GABBR2: variants seen among roughly 807,000 people sequenced by gnomAD.
The protein encoded by GABBR2 is gamma-aminobutyric acid type B receptor subunit 2, also known as G-protein coupled receptor 51.
In GABBR2, 23 loss-of-function variants were observed where a neutral mutation model predicts 105.6. That is an observed-to-expected ratio of 0.22 (90% CI 0.16 to 0.31). The LOEUF (loss-of-function observed/expected upper bound fraction) is 0.31. Ranked by LOEUF, GABBR2 falls within the 10% of genes least tolerant of loss-of-function variation. The pLI is 1.00. For missense variants in GABBR2, 734 were observed against 1,245.5 expected (o/e 0.59, Z 6.18); for synonymous variants, 478 against 499.7 (o/e 0.96, Z 0.58).
chr9:98,460,122 G>T (rs1470489637), intron 6 of GABBR2, among the ~76,000 whole-genome samples: 3 of 152,220 alleles, frequency 2.0e-5, no homozygotes, highest in African/African-American at 7.2e-5. Flanking sequence ...AAATAGCAAG[G>T]TTGGCGGGAA....
intron 7 of GABBR2, among the ~76,000 whole-genome samples, chr9:98,428,079 T>C (rs1825731439): frequency 6.6e-6 from 1 of 152,200 alleles, no homozygotes; most frequent in Admixed American, 6.5e-5. Flanking sequence ...CACTTTGGGA[T>C]CATTTGTTAC....
At chr9:98,536,869 G>A (rs533427101) in intron 3 of GABBR2, among the ~76,000 whole-genome samples, 2 of 152,240 alleles carry the variant, frequency 1.3e-5, no homozygotes, top group African/African-American at 2.4e-5. Context: ...AGGGCCCCCA[G>A]CACTGGACCA....
chr9:98,446,839 C>T (rs910360560), intron 7 of GABBR2, among the ~76,000 whole-genome samples: 5 of 152,088 alleles, frequency 3.3e-5, no homozygotes, highest in Non-Finnish European at 7.4e-5. Flanking sequence ...CACATTTGGA[C>T]TATTTCAGAG....
intron 6 of GABBR2, among the ~76,000 whole-genome samples, chr9:98,459,852 T>C (rs1826393322): frequency 6.6e-6 from 1 of 152,222 alleles, no homozygotes; most frequent in South Asian, 2.1e-4. Context: ...AGTTCTTCAC[T>C]GGATTAAGGC....
In GABBR2 at chr9:98,299,339, C is replaced by T. The variant is rs1188107016; in HGVS notation, c.2427G>A (p.Leu809=). 6.2e-7 allele frequency: 1 copy of T among 1,613,900 alleles called. No homozygotes were observed. Among genetic ancestry groups the T allele is most frequent in the East Asian group, 2.2e-5 (1 of 44,872 alleles). The change falls in exon 17 of 19, where the codon TTG becomes TTA. Residue 809 remains leucine, a synonymous_variant. Coordinates refer to ENST00000259455, the MANE Select transcript of GABBR2 (RefSeq NM_005458.8). ...RMKITELDKD[L]EEVTMQLQDT... is the part of the protein sequence containing the mutation. ...CCTGCAGCTGCATGGTGACCTCTTC[C>T]AAGTCTTTATCCAGCTACAAGACAA...
intron 7 of GABBR2, among the ~76,000 whole-genome samples, chr9:98,435,344 G>A (rs1249392976): frequency 6.6e-6 from 1 of 152,180 alleles, no homozygotes; most frequent in Non-Finnish European, 1.5e-5. Flanking sequence ...GTTCAAAATG[G>A]AAAGTAATTG....
chr9:98,634,198 G>A (rs1429654640), intron 1 of GABBR2, among the ~76,000 whole-genome samples: 1 of 152,156 alleles, frequency 6.6e-6, no homozygotes, highest in Non-Finnish European at 1.5e-5. Flanking sequence ...CCCGACTTTG[G>A]GCCCTACTTC....
intron 3 of GABBR2, among the ~76,000 whole-genome samples, chr9:98,529,705 A>G (rs191876922): frequency 1.8e-4 from 28 of 152,318 alleles, no homozygotes; most frequent in Non-Finnish European, 3.5e-4. Context: ...TAATCTTATT[A>G]TTTTTCCTTT....
chr9:98,324,346 T>C (rs1421801263), intron 13 of GABBR2, among the ~76,000 whole-genome samples: 1 of 152,180 alleles, frequency 6.6e-6, no homozygotes, highest in East Asian at 1.9e-4. Context: ...GCCATGGGCC[T>C]TGCACTTGAA....
rs200711680 is a variant in GABBR2 at position 98,501,643 on chromosome 9, A to AG, written c.631-5130dup. Among the ~76,000 whole-genome samples the AG allele has an allele frequency of 5.5e-3, 835 of 152,304 alleles. 12 individuals carry two copies. The highest frequency in any genetic ancestry group is 0.019 in the African/African-American group (792 of 41,562). On this transcript the variant is annotated intron_variant, in intron 3 of 18. Transcript: ENST00000259455. ...AAGTAAATGATTGATAATCTAGGAC[A>AG]GGGACCAAGAACCCTTTAGGGAGAC...
chr9:98,412,573 A>G (rs1424865796), intron 7 of GABBR2, among the ~76,000 whole-genome samples: 4 of 152,162 alleles, frequency 2.6e-5, no homozygotes, highest in African/African-American at 9.7e-5. Flanking sequence ...CTCAGAAGCC[A>G]AAGTTTTTCT....
chr9:98,431,310 A>G (rs924885188), intron 7 of GABBR2, among the ~76,000 whole-genome samples: 4 of 152,048 alleles, frequency 2.6e-5, no homozygotes, highest in African/African-American at 9.7e-5. Flanking sequence ...TACTTTTCTC[A>G]TTTAATATGG....
chr9:98,683,473 G>A (rs936090124), intron 1 of GABBR2, among the ~76,000 whole-genome samples: 4 of 152,088 alleles, frequency 2.6e-5, no homozygotes, highest in Admixed American at 2.0e-4. Flanking sequence ...TCCTACCTAC[G>A]CTATGAAAAT....
At chr9:98,657,926 C>T (rs1372635786) in intron 1 of GABBR2, among the ~76,000 whole-genome samples, 1 of 152,238 alleles carries the variant, frequency 6.6e-6, no homozygotes, top group Non-Finnish European at 1.5e-5. Context: ...CCGAGGCCTT[C>T]CCAGCAATGG....
In GABBR2 at chr9:98,388,376, A is replaced by T. The variant is rs2131494902; in HGVS notation, c.1529+478T>A. ...GGGCTTCCTGGCCGTAATGAACTGT[A>T]CCAATGGGAGTCCATTTCACTGGAC... is the stretch of plus-strand genomic sequence containing the variant. On this transcript the variant is annotated intron_variant, in intron 10 of 18. Transcript: ENST00000259455. The surrounding 1 kb of genome is among the most constrained non-coding windows in gnomAD (Gnocchi z 4.4). 6.6e-6 allele frequency among the ~76,000 whole-genome samples: 1 copy of T among 152,234 alleles called. No homozygotes were observed. Among genetic ancestry groups the T allele is most frequent in the East Asian group, 1.9e-4 (1 of 5,174 alleles).
At chr9:98,695,689 T>C (rs337552) in intron 1 of GABBR2, among the ~76,000 whole-genome samples, 106,827 of 152,024 alleles carry the variant, frequency 0.7, 38,809 homozygotes, top group Middle Eastern at 0.84. Context: ...ATGCTTTACA[T>C]GAATGTTCCA....
At chr9:98,290,868 A>C (rs1054327373) in intron 18 of GABBR2, 119 bp from the exon 19 acceptor site, 21 of 566,356 alleles carry the variant, frequency 3.7e-5, no homozygotes, top group Middle Eastern at 3.3e-4. Flanking sequence ...CTCTGAATCC[A>C]AGATCTGTCC....
At chr9:98,513,074 C>G (rs1473615156) in intron 3 of GABBR2, among the ~76,000 whole-genome samples, 2 of 152,136 alleles carry the variant, frequency 1.3e-5, no homozygotes, top group Non-Finnish European at 2.9e-5. Flanking sequence ...ACCAATGGAA[C>G]AGAACAGAGC....
chr9:98,427,128 A>G (rs1050564714), intron 7 of GABBR2, among the ~76,000 whole-genome samples: 1 of 152,178 alleles, frequency 6.6e-6, no homozygotes, highest in Non-Finnish European at 1.5e-5. Context: ...AGCGGCAGAA[A>G]CCAGAATGAA....
Sources: gnomAD v4.1 joint callset for allele counts (sites outside exome capture counted in the v4.1 genomes callset) on GRCh38, gnomAD v4.1.1 for gene constraint, Gnocchi (gnomAD v3.1) non-coding constraint, MANE v1.5 for transcripts, NCBI Gene and HGNC (gene_info 2026-07-23, HGNC 2026-07-21) for gene names.